The following ALG14 variants were observed in gnomAD, a reference collection of about 807,000 sequenced individuals.
ALG14 encodes the protein ALG14 UDP-N-acetylglucosaminyltransferase subunit.
A neutral mutation model predicts 22.8 loss-of-function variants in ALG14; 17 were observed. The ratio of observed to expected loss-of-function variants is 0.75; its 90% confidence interval spans 0.51 to 1.12. The LOEUF (loss-of-function observed/expected upper bound fraction) is 1.12. Among genes scored for constraint, ALG14 ranks in the 50% most tolerant of loss-of-function variants. ALG14 has a pLI of 0.00. For missense variants in ALG14, 288 were observed against 271.8 expected, an observed-to-expected ratio of 1.06 and a Z score of -0.42; for synonymous variants, 89 against 103.7, an observed-to-expected ratio of 0.86 and a Z score of 0.86.
At chr1:95,041,006 G>A (rs190739965) in intron 2 of ALG14, among the ~76,000 whole-genome samples, 38 of 152,212 alleles carry the variant, frequency 2.5e-4, no homozygotes, top group African/African-American at 8.7e-4. Flanking sequence ...TTGAGATTTG[G>A]GGAGGAATTT....
rs371735173 is a variant in ALG14, at chr1:95,027,272, C to A, written c.289-12G>T. 3 of 1,613,322 alleles carry A rather than the reference C, an allele frequency of 1.9e-6. No individual in the cohort carries two copies. Among genetic ancestry groups the A allele is most frequent in the Non-Finnish European group, 2.5e-6 (3 of 1,179,562 alleles). On this transcript the variant is annotated splice_polypyrimidine_tract_variant and intron_variant, in intron 2 of 3. Coordinates refer to ENST00000370205, the MANE Select transcript of ALG14 (RefSeq NM_144988.4). ...TAGTATTTGGTATACTAGAAGGAAACAGATGGAATCCAAATCAACTGAGTC... is the reference window on the plus strand; with the variant it reads ...TAGTATTTGGTATACTAGAAGGAAAAAGATGGAATCCAAATCAACTGAGTC...
At chr1:95,036,295 G>A (rs1432424897) in intron 2 of ALG14, among the ~76,000 whole-genome samples, 1 of 152,052 alleles carries the variant, frequency 6.6e-6, no homozygotes, top group Admixed American at 6.6e-5. Flanking sequence ...GTTTTATAAG[G>A]GGCTTCCCCC....
In ALG14 at chr1:94,976,921, T is replaced by TTTCC. The variant is rs1401740037; in HGVS notation, c.*6154_*6155insGGAA. The TTTCC allele has an allele frequency of 1.3e-5, 2 of 152,122 alleles. No homozygotes were observed. Among genetic ancestry groups the TTTCC allele is most frequent in the African/African-American group, 4.8e-5 (2 of 41,418 alleles). The allele number at this position is 152,122 out of a possible 1,614,324, so 9.4% of individuals were successfully genotyped here. ...CTCAGTCATGTGAGTCCTTAAAAGA[T>TTTCC]AGGAAGCAGGCCACCACAAATCCTA... On this transcript the variant is annotated 3_prime_UTR_variant, in exon 4 of 4. Transcript: ENST00000370205.
chr1:94,983,725 TA>T (rs1227786305), intron 3 of ALG14: 1 of 166,430 alleles, frequency 6.0e-6, no homozygotes, highest in African/African-American at 2.4e-5. Flanking sequence ...TGGGAGAAAA[TA>T]TCTTTAATTG....
chr1:95,036,143 G>T (rs1268963994), intron 2 of ALG14, among the ~76,000 whole-genome samples: 1 of 152,096 alleles, frequency 6.6e-6, no homozygotes, highest in Non-Finnish European at 1.5e-5. Flanking sequence ...GTGGGCCCCT[G>T]ATATAGTTTG....
intron 3 of ALG14, among the ~76,000 whole-genome samples, chr1:95,014,039 A>G (rs1040241668): frequency 3.3e-5 from 5 of 151,808 alleles, no homozygotes; most frequent in Non-Finnish European, 7.4e-5. Flanking sequence ...TCCAACTTTT[A>G]TCATTTTTTA....
intron 2 of ALG14, among the ~76,000 whole-genome samples, chr1:95,045,928 CTAATAGAATAGTATACTAATAATTAG>C (rs1418367139): frequency 4.4e-5 from 4 of 91,850 alleles, no homozygotes; most frequent in Non-Finnish European, 8.8e-5. Flanking sequence ...AATTAGTATA[CTAATAGAATAGTATACTAATAATTAG>C]TATACTAATA....
In ALG14 at chr1:95,017,066, T is replaced by A. The variant is rs183357240; in HGVS notation, c.420+10063A>T. On this transcript the variant is annotated intron_variant, in intron 3 of 3. Coordinates refer to ENST00000370205, the MANE Select transcript of ALG14 (RefSeq NM_144988.4). ...GACCAACTATGTGAATCAGACAAGA[T>A]GTGTGTGTCTGCTATCGCCCAAGGA... 3.7e-3 allele frequency among the ~76,000 whole-genome samples: 560 copies of A among 151,872 alleles called. 2 individuals are homozygous for A. The highest frequency in any genetic ancestry group is 0.012 in the African/African-American group (516 of 41,390).
At chr1:94,986,397 T>C (rs1672642062) in intron 3 of ALG14, among the ~76,000 whole-genome samples, 1 of 152,206 alleles carries the variant, frequency 6.6e-6, no homozygotes, top group Non-Finnish European at 1.5e-5. Context: ...CTATATTGAC[T>C]CAAATGTTTC....
At chr1:94,987,158 A>G (rs1672665702) in intron 3 of ALG14, among the ~76,000 whole-genome samples, 1 of 152,230 alleles carries the variant, frequency 6.6e-6, no homozygotes, top group Non-Finnish European at 1.5e-5. Flanking sequence ...AGATGAAGAC[A>G]GGCCAGGTCC....
At chr1:95,032,011 G>T (rs1007832002) in intron 2 of ALG14, among the ~76,000 whole-genome samples, 1 of 152,068 alleles carries the variant, frequency 6.6e-6, no homozygotes, top group Non-Finnish European at 1.5e-5. Flanking sequence ...GTTTCACCAT[G>T]TTGGTCAGGC....
Position 94,977,196 on chromosome 1 carries a change from T to C in ALG14, c.*5880A>G, listed in dbSNP as rs1468825540. 1 of 152,172 alleles carries C rather than the reference T, an allele frequency of 6.6e-6. No homozygotes were observed. The highest frequency in any genetic ancestry group is 1.5e-5 in the Non-Finnish European group (1 of 68,028). 9.4% of individuals were successfully genotyped at this position (152,172 alleles called of 1,614,324 possible). A position where few individuals can be genotyped will look rare whatever the true frequency, so the allele number is the denominator to read the frequency against. Reference sequence around the variant, plus strand: ...GATCACTGACTGACTAAAGAGGAGATAGGCCGGGCGCAGTGCCGCATGCCT... The same window carrying C: ...GATCACTGACTGACTAAAGAGGAGACAGGCCGGGCGCAGTGCCGCATGCCT... On this transcript the variant is annotated 3_prime_UTR_variant, in exon 4 of 4. Coordinates refer to ENST00000370205, the MANE Select transcript of ALG14 (RefSeq NM_144988.4).
chr1:94,988,460 G>A (rs1672693866), intron 3 of ALG14, among the ~76,000 whole-genome samples: 1 of 152,196 alleles, frequency 6.6e-6, no homozygotes, highest in Non-Finnish European at 1.5e-5. Context: ...GAAGAGTAAT[G>A]GAAACCTCAG....
chr1:94,980,166 A>C lies in ALG14; in HGVS notation c.*2910T>G, dbSNP rs915345252. 11 of 152,072 alleles carry C rather than the reference A, an allele frequency of 7.2e-5. No individual in the cohort carries two copies. Among genetic ancestry groups the C allele is most frequent in the African/African-American group, 2.4e-4 (10 of 41,408 alleles). The allele number at this position is 152,072 out of a possible 1,614,324, so 9.4% of individuals were successfully genotyped here. A position where few individuals can be genotyped will look rare whatever the true frequency, so the allele number is the denominator to read the frequency against. ...TTGAAAGGTAGAATGATGTGTTCCA[A>C]GTTGCTTTTATAAGGGGAAGCTTGG... On this transcript the variant is annotated 3_prime_UTR_variant, in exon 4 of 4. Coordinates refer to ENST00000370205, the MANE Select transcript of ALG14 (RefSeq NM_144988.4).
chr1:95,062,671 TACC>T, intron 2 of ALG14, among the ~76,000 whole-genome samples: 1 of 152,356 alleles, frequency 6.6e-6, no homozygotes, highest in East Asian at 1.9e-4. Context: ...AGTGTATATG[TACC>T]ACATTTTCTT....
intron 2 of ALG14, among the ~76,000 whole-genome samples, chr1:95,034,815 C>T (rs1293858899): frequency 6.6e-6 from 1 of 152,102 alleles, no homozygotes; most frequent in Non-Finnish European, 1.5e-5. Flanking sequence ...CCTTTTTCTT[C>T]CTTGATTTTT....
intron 3 of ALG14, among the ~76,000 whole-genome samples, chr1:95,023,504 A>T (rs61772642): frequency 0.017 from 2,633 of 152,346 alleles, 42 homozygotes; most frequent in Non-Finnish European, 0.026. Flanking sequence ...ACTAAATAAA[A>T]TAATGGACTT....
chr1:95,067,676 A>T (rs549038092), intron 1 of ALG14: 1 of 152,190 alleles, frequency 6.6e-6, no homozygotes, highest in Non-Finnish European at 1.5e-5. Flanking sequence ...CCCCTGCTCC[A>T]GGCCACTATC....
intron 2 of ALG14, among the ~76,000 whole-genome samples, chr1:95,050,065 G>A (rs1267844928): frequency 6.6e-6 from 1 of 151,978 alleles, no homozygotes; most frequent in Non-Finnish European, 1.5e-5. Context: ...TGTGTTTTTG[G>A]AGGAGCAAGC....
Sources: gnomAD v4.1 joint callset for allele counts (sites outside exome capture counted in the v4.1 genomes callset) on GRCh38, gnomAD v4.1.1 for gene constraint, MANE v1.5 for transcripts, NCBI Gene and HGNC (gene_info 2026-07-23, HGNC 2026-07-21) for gene names.